The following SAP130 variants were observed in gnomAD, a reference collection of about 807,000 sequenced individuals.
SAP130 encodes histone deacetylase complex subunit SAP130.
In SAP130, 16 loss-of-function variants were observed where a neutral mutation model predicts 103.2. The observed-to-expected ratio is 0.16, with a 90% CI of 0.10 to 0.24. The LOEUF (loss-of-function observed/expected upper bound fraction) is 0.24, where lower values mean the gene tolerates loss of function less well. SAP130 is among the 10% of genes least tolerant of loss of function. SAP130 has a pLI of 1.00. For synonymous variants in SAP130, 477 were observed against 497.0 expected (o/e 0.96, Z 0.53); for missense variants, 990 against 1,359.7 (o/e 0.73, Z 4.28).
chr2:127,950,218 A>T lies in SAP130; in HGVS notation c.2613T>A (p.Thr871=), dbSNP rs1679403836. Residue 871 remains threonine (T), a synonymous_variant, in exon 17 of 21, where the codon ACT becomes ACA. Coordinates refer to ENST00000643581, the MANE Select transcript of SAP130 (RefSeq NM_001330301.2). ...ETNSTDDEKS[T]AKSLLVKAEK... ...CAGCCTTCACCAGAAGACTCTTGGCAGTGGACTTCTCATCATCAGTGCTGT... is the reference window on the plus strand; with the variant it reads ...CAGCCTTCACCAGAAGACTCTTGGCTGTGGACTTCTCATCATCAGTGCTGT... The T allele has an allele frequency of 6.2e-7, 1 of 1,614,210 alleles. No homozygotes were observed. Among genetic ancestry groups the T allele is most frequent in the Non-Finnish European group, 8.5e-7 (1 of 1,180,032 alleles).
chr2:127,941,592 T>C lies in SAP130; in HGVS notation c.*414A>G. ...ATGGGGTGGGTGGAAGAGGTTTTAT[T>C]TTCAGTGTAGAGAGATAACAGATGG... On this transcript the variant is annotated 3_prime_UTR_variant, in exon 21 of 21. Transcript: ENST00000643581. 6.1e-6 allele frequency: 1 copy of C among 163,586 alleles called. No individual in the cohort carries two copies. The highest frequency in any genetic ancestry group is 1.3e-5 in the Non-Finnish European group (1 of 76,030). 10.1% of individuals were successfully genotyped at this position (163,586 alleles called of 1,614,324 possible).
At chr2:127,962,404 T>C (rs548159688) in intron 15 of SAP130, among the ~76,000 whole-genome samples, 2 of 152,228 alleles carry the variant, frequency 1.3e-5, no homozygotes, top group African/African-American at 4.8e-5. Context: ...TTATAAATCA[T>C]GCTGCTATAA....
chr2:127,990,278 A>T (rs1206460398), intron 12 of SAP130, among the ~76,000 whole-genome samples: 1 of 152,200 alleles, frequency 6.6e-6, no homozygotes, highest in African/African-American at 2.4e-5. Flanking sequence ...TATGAATTTC[A>T]AATGGCATGT....
At chr2:127,962,495 T>C (rs1443491047) in intron 15 of SAP130, among the ~76,000 whole-genome samples, 7 of 152,140 alleles carry the variant, frequency 4.6e-5, no homozygotes, top group East Asian at 3.8e-4. Flanking sequence ...CCAAAAACGA[T>C]AGACTGGATT....
In SAP130 at chr2:127,942,634, G is replaced by A; in HGVS notation, c.2902-97C>T. ...CCACCTTCAATCACCTTTGTAAACT[G>A]TCTAAGAGTTGTTTGGGTGACAACG... is the stretch of plus-strand genomic sequence containing the variant. On this transcript the variant is annotated intron_variant, in intron 19 of 20. Transcript: ENST00000643581. The surrounding 1 kb of genome is among the most constrained non-coding windows in gnomAD (Gnocchi z 4.8). 1 of 712,266 alleles carries A rather than the reference G, an allele frequency of 1.4e-6. No homozygotes were observed. Among genetic ancestry groups the A allele is most frequent in the Non-Finnish European group, 2.5e-6 (1 of 402,264 alleles). 44.1% of individuals were successfully genotyped at this position (712,266 alleles called of 1,614,324 possible).
intron 7 of SAP130, 54 bp downstream of exon 7, chr2:128,010,215 G>T: frequency 1.3e-6 from 2 of 1,546,982 alleles, no homozygotes; most frequent in Middle Eastern, 1.7e-4. Flanking sequence ...AAAGAAAAAA[G>T]AGTGAAGGAG....
At chr2:127,947,921 T>C (rs185584146) in intron 18 of SAP130, among the ~76,000 whole-genome samples, 78 of 152,008 alleles carry the variant, frequency 5.1e-4, no homozygotes, top group East Asian at 9.7e-4. Context: ...TCCTGAATAG[T>C]TGAAATTACA....
chr2:127,971,282 AT>A, intron 15 of SAP130, among the ~76,000 whole-genome samples: 1 of 119,412 alleles, frequency 8.4e-6, no homozygotes, highest in South Asian at 2.7e-4. Context: ...CCACTTTTTC[AT>A]TTCTTTTTTT....
chr2:127,992,251 C>A (rs984390392), intron 12 of SAP130, among the ~76,000 whole-genome samples: 4 of 150,608 alleles, frequency 2.7e-5, no homozygotes, highest in Non-Finnish European at 5.9e-5. Context: ...GGATTACAGG[C>A]ATCAGCCACA....
chr2:128,016,663 G>A lies in SAP130; in HGVS notation c.349-116C>T, dbSNP rs990696289. 4.5e-6 allele frequency: 5 copies of A among 1,099,024 alleles called. No homozygotes were observed. In the African/African-American group the frequency reaches 6.3e-5, roughly 14 times the overall value. 68.1% of individuals were successfully genotyped at this position (1,099,024 alleles called of 1,614,324 possible). On this transcript the variant is annotated intron_variant, in intron 3 of 20. Coordinates refer to ENST00000643581, the MANE Select transcript of SAP130 (RefSeq NM_001330301.2). ...GAAAGTGCCAGGAAAGATGCCGTAA[G>A]CTTTATACATTTTATCTATTATCAT... is the stretch of plus-strand genomic sequence containing the variant.
At chr2:128,026,686 C>T (rs1220310118) in intron 1 of SAP130, among the ~76,000 whole-genome samples, 2 of 152,170 alleles carry the variant, frequency 1.3e-5, no homozygotes, top group Non-Finnish European at 2.9e-5. Flanking sequence ...CCAAGGTGAA[C>T]AGAACTGTGA....
intron 15 of SAP130, among the ~76,000 whole-genome samples, chr2:127,967,249 C>G (rs1680720880): frequency 6.6e-6 from 1 of 152,190 alleles, no homozygotes; most frequent in African/African-American, 2.4e-5. Context: ...CAGGGCAGAA[C>G]TCATGTTAAG....
chr2:127,966,413 C>T (rs565016014), intron 15 of SAP130, among the ~76,000 whole-genome samples: 1 of 151,732 alleles, frequency 6.6e-6, no homozygotes, highest in East Asian at 2.0e-4. Flanking sequence ...TATAAAGGAC[C>T]CTCTGTGGGC....
Position 127,996,318 on chromosome 2 carries a change from T to C in SAP130, c.1355+32A>G, listed in dbSNP as rs750998260. The C allele has an allele frequency of 1.2e-4, 178 of 1,546,966 alleles. No individual in the cohort carries two copies. Among genetic ancestry groups the C allele is most frequent in the South Asian group, 6.1e-5 (5 of 81,762 alleles). On this transcript the variant is annotated intron_variant, in intron 11 of 20. Transcript: ENST00000643581. This position sits in a 1 kb window ranked among gnomAD's most constrained non-coding sequence, Gnocchi z 4.3. Reference sequence around the variant, plus strand: ...TAAAGCAGAACGATTAATGACACAGTGAGGCAGAATAACTGACACACAGCC... The same window carrying C: ...TAAAGCAGAACGATTAATGACACAGCGAGGCAGAATAACTGACACACAGCC...
At chr2:127,960,993 C>CTT (rs772565129) in intron 15 of SAP130, among the ~76,000 whole-genome samples, 7 of 137,250 alleles carry the variant, frequency 5.1e-5, no homozygotes, top group Non-Finnish European at 6.4e-5. Context: ...TTCTTTCTTT[C>CTT]TTTTTTTTTT....
At chr2:127,971,474 A>T (rs377701680) in intron 15 of SAP130, among the ~76,000 whole-genome samples, 1 of 152,050 alleles carries the variant, frequency 6.6e-6, no homozygotes, top group Non-Finnish European at 1.5e-5. Flanking sequence ...TTTTTAGTAG[A>T]GACGGGGTTT....
rs146328749 is a variant in SAP130, at chr2:127,953,316, C to T, written c.2422+1670G>A. On this transcript the variant is annotated intron_variant, in intron 16 of 20. Coordinates refer to ENST00000643581, the MANE Select transcript of SAP130 (RefSeq NM_001330301.2). This position sits in a 1 kb window ranked among gnomAD's most constrained non-coding sequence, Gnocchi z 4.0. Reference sequence around the variant, plus strand: ...GAATCCTACCACCTCACACCACTTCCGCTACTACTACCCTGGTTGAGCCTT... The same window carrying T: ...GAATCCTACCACCTCACACCACTTCTGCTACTACTACCCTGGTTGAGCCTT... Among the ~76,000 whole-genome samples the T allele has an allele frequency of 1.6e-3, 251 of 152,334 alleles. 1 individual carries two copies. The highest frequency in any genetic ancestry group is 5.8e-3 in the African/African-American group (241 of 41,582).
intron 14 of SAP130, among the ~76,000 whole-genome samples, chr2:127,985,732 T>C (rs1048700549): frequency 6.6e-6 from 1 of 151,892 alleles, no homozygotes; most frequent in African/African-American, 2.4e-5. Flanking sequence ...ATTTTTGTTT[T>C]CCTGCCCAAA....
chr2:127,981,882 A>G (rs1681962724), intron 14 of SAP130, among the ~76,000 whole-genome samples: 1 of 151,806 alleles, frequency 6.6e-6, no homozygotes, highest in African/African-American at 2.4e-5. Flanking sequence ...CTGGCCCTAC[A>G]AAACCCTGCT....
Sources: allele counts gnomAD v4.1 joint callset (sites outside exome capture counted in the v4.1 genomes callset), GRCh38; gene constraint gnomAD v4.1.1; non-coding constraint Gnocchi (gnomAD v3.1); transcripts MANE v1.5; gene names NCBI Gene and HGNC (gene_info 2026-07-23, HGNC 2026-07-21).